The following UFL1 variants were observed in gnomAD, a reference collection of about 807,000 sequenced individuals.
UFL1 encodes E3 UFM1-protein ligase 1.
A neutral mutation model predicts 99.3 loss-of-function variants in UFL1; 78 were observed. The ratio of observed to expected loss-of-function variants is 0.79; its 90% CI spans 0.65 to 0.95. UFL1 has a LOEUF of 0.95. UFL1 is among the 40% of genes least tolerant of loss of function. UFL1 has a pLI of 0.00. For synonymous variants in UFL1, 335 were observed against 322.2 expected, an observed-to-expected ratio of 1.04 and a Z score of -0.42; for missense variants, 936 against 937.0, an observed-to-expected ratio of 1.00 and a Z score of 0.01.
At chr6:96,537,697 G>T (rs1769873218) in intron 9 of UFL1, 148 bp downstream of exon 9, 1 of 746,680 alleles carries the variant, frequency 1.3e-6, no homozygotes, top group Non-Finnish European at 2.0e-6. Context: ...TAATCTTTAT[G>T]CTTAAAGTCT....
rs146317579 is a variant in UFL1, at chr6:96,547,929, T to C, written c.1403-235T>C. On this transcript the variant is annotated intron_variant, in intron 12 of 18. Transcript: ENST00000369278. ...TCCCTGCCAGTATGTCTTGTATTCATGTAACAAGCATGCATACGAAGCCCC... is the reference window on the plus strand; with the variant it reads ...TCCCTGCCAGTATGTCTTGTATTCACGTAACAAGCATGCATACGAAGCCCC... Among the ~76,000 whole-genome samples, 295 of 151,762 alleles carry C rather than the reference T, an allele frequency of 1.9e-3. 2 individuals carry two copies. The Middle Eastern group carries it at 0.02, about 10-fold the overall frequency.
chr6:96,526,252 C>G, intron 4 of UFL1, 69 bp from the exon 5 acceptor site: 1 of 1,342,620 alleles, frequency 7.4e-7, no homozygotes, highest in Non-Finnish European at 1.0e-6. Context: ...GGAAATTAAA[C>G]ATAAAATGAG....
rs764442990 is a variant in UFL1, at chr6:96,549,741, ACTT to A, written c.1764_1766del (p.Phe588del). Reference sequence around the variant, plus strand: ...ACTGATATCACTAACCTCATTTTCAACTTCTTAGCTTCGGATTTAATGATGGCA... The same window carrying A: ...ACTGATATCACTAACCTCATTTTCAACTTAGCTTCGGATTTAATGATGGCA... On this transcript the variant is annotated inframe_deletion, in exon 15 of 19. Transcript: ENST00000369278. 58 of 1,612,030 alleles carry A rather than the reference ACTT, an allele frequency of 3.6e-5. 1 individual carries two copies. In the Middle Eastern group the frequency reaches 3.0e-3, roughly 82 times the overall value.
chr6:96,524,315 A>C, intron 2 of UFL1, 67 bp from the exon 3 acceptor site: 1 of 1,441,622 alleles, frequency 6.9e-7, no homozygotes, highest in Non-Finnish European at 9.4e-7. Flanking sequence ...AAATGTTAGA[A>C]TTTATAGCTT....
Position 96,554,160 on chromosome 6 carries a change from T to C in UFL1, c.*657T>C, listed in dbSNP as rs1163052680. The C allele has an allele frequency of 6.6e-6, 1 of 152,196 alleles. No individual in the cohort carries two copies. The highest frequency in any genetic ancestry group is 1.5e-5 in the Non-Finnish European group (1 of 68,034). 9.4% of individuals were successfully genotyped at this position (152,196 alleles called of 1,614,324 possible). ...CTAGAGTGGCCCATGCATTGCTGTG[T>C]TCTCTTCTAAAACAAGCTACTAACA... On this transcript the variant is annotated 3_prime_UTR_variant, in exon 19 of 19. Transcript: ENST00000369278.
chr6:96,533,708 T>C (rs1582439697), intron 6 of UFL1, among the ~76,000 whole-genome samples: 2 of 151,564 alleles, frequency 1.3e-5, no homozygotes, highest in African/African-American at 4.8e-5. Flanking sequence ...ATGGGGTAGA[T>C]TTCATGTAAT....
chr6:96,552,181 A>G (rs894506267), intron 17 of UFL1, among the ~76,000 whole-genome samples: 1 of 151,990 alleles, frequency 6.6e-6, no homozygotes, highest in African/African-American at 2.4e-5. Flanking sequence ...TAGCTTGGGG[A>G]CTTTCCTTAC....
chr6:96,537,500 A>G lies in UFL1; in HGVS notation c.929A>G (p.Glu310Gly). 1 of 1,609,538 alleles carries G rather than the reference A, an allele frequency of 6.2e-7. No individual in the cohort carries two copies. Among genetic ancestry groups the G allele is most frequent in the Non-Finnish European group, 8.5e-7 (1 of 1,177,716 alleles). Reference sequence around the variant, plus strand: ...GGTCAAGGACTTGTGGATCAAGTGGAAGCATCAGTAGAAGAAGCCATCAGC... The same window carrying G: ...GGTCAAGGACTTGTGGATCAAGTGGGAGCATCAGTAGAAGAAGCCATCAGC... ...CVGQGLVDQV[E>G]ASVEEAISSG... The change falls in exon 9 of 19, where the codon GAA (glutamate) becomes GGA (glycine). Residue 310 changes from glutamate (E) to glycine (G), a missense_variant. Glu to Gly is a moderately conservative substitution (Grantham distance 98, BLOSUM62 -2). Transcript: ENST00000369278.
chr6:96,541,150 GC>G (rs1411234594), intron 11 of UFL1, among the ~76,000 whole-genome samples: 2 of 151,336 alleles, frequency 1.3e-5, no homozygotes, highest in African/African-American at 4.8e-5. Flanking sequence ...GTCACTCTCT[GC>G]CACCTCATTT....
Position 96,549,483 on chromosome 6 carries a change from C to G in UFL1, c.1592C>G (p.Thr531Arg). The stretch of plus-strand genomic sequence containing the variant: ...TCTTCAACAACTTCTGCTTCTGGGA[C>G]GGGCAGAAAACGCACAATCAAGGAC... ...FMSSTTSASG[T>R]GRKRTIKDLQ... Residue 531 changes from threonine to arginine, a missense_variant, in exon 14 of 19, where the codon ACG becomes AGG. By Grantham distance (71) the Thr-to-Arg change is moderately conservative (BLOSUM62 -1). Coordinates refer to ENST00000369278, the MANE Select transcript of UFL1 (RefSeq NM_015323.5). 2 of 1,591,850 alleles carry G rather than the reference C, an allele frequency of 1.3e-6. No homozygotes were observed. Among genetic ancestry groups the G allele is most frequent in the Non-Finnish European group, 1.7e-6 (2 of 1,173,884 alleles).
rs1463568123 is a variant in UFL1 at position 96,523,052 on chromosome 6, CTT to C, written c.78-90_78-89del. On this transcript the variant is annotated intron_variant, in intron 1 of 18. Coordinates refer to ENST00000369278, the MANE Select transcript of UFL1 (RefSeq NM_015323.5). ...ATGTAGAAGTTAGTGACTAAACAAACTTTTTAAAAGCCTGTTTTCATACATTG... is the reference window on the plus strand; with the variant it reads ...ATGTAGAAGTTAGTGACTAAACAAACTTTAAAAGCCTGTTTTCATACATTG... 3.8e-6 allele frequency: 5 copies of C among 1,307,148 alleles called. 1 individual carries two copies. Among genetic ancestry groups the C allele is most frequent in the South Asian group, 3.8e-5 (2 of 52,842 alleles). 81.0% of individuals were successfully genotyped at this position (1,307,148 alleles called of 1,614,324 possible). A position where few individuals can be genotyped will look rare whatever the true frequency, so the allele number is the denominator to read the frequency against.
rs991180818 is a variant in UFL1 at position 96,527,056 on chromosome 6, G to A, written c.465+621G>A. Among the ~76,000 whole-genome samples, 5 of 152,142 alleles carry A rather than the reference G, an allele frequency of 3.3e-5. 1 individual carries two copies. The highest frequency in any genetic ancestry group is 9.7e-5 in the African/African-American group (4 of 41,444). ...CATTCTCTTAACTTTAGGTATTTGT[G>A]TCAGTACTCAAATATCTTATGTGTG... On this transcript the variant is annotated intron_variant, in intron 5 of 18. Coordinates refer to ENST00000369278, the MANE Select transcript of UFL1 (RefSeq NM_015323.5).
chr6:96,538,838 A>C lies in UFL1; in HGVS notation c.1158+28A>C, dbSNP rs754339377. The C allele has an allele frequency of 9.7e-6, 15 of 1,549,628 alleles. No individual in the cohort carries two copies. The African/African-American group carries it at 2.1e-4, about 21-fold the overall frequency. On this transcript the variant is annotated intron_variant, in intron 10 of 18. Transcript: ENST00000369278. Reference sequence around the variant, plus strand: ...ATTCCAGATTTCCTTTTATCTGCTAATCTTAATAATATTTTCAATTTAGAA... The same window carrying C: ...ATTCCAGATTTCCTTTTATCTGCTACTCTTAATAATATTTTCAATTTAGAA...
chr6:96,534,191 CTATTTT>C, intron 6 of UFL1, 66 bp from the exon 7 acceptor site: 1 of 954,556 alleles, frequency 1.0e-6, no homozygotes, highest in Non-Finnish European at 1.4e-6. Context: ...TCTAATTATC[CTATTTT>C]TAAGTTCATT....
chr6:96,551,562 C>A (rs1034577546), intron 16 of UFL1, 49 bp downstream of exon 16: 2 of 1,270,110 alleles, frequency 1.6e-6, no homozygotes, highest in African/African-American at 1.6e-5. Flanking sequence ...CAGTTTGTTA[C>A]AAAGATCTTT....
rs111892027 is a variant in UFL1 at position 96,538,720 on chromosome 6, A to G, written c.1068A>G (p.Val356=). The G allele has an allele frequency of 6.2e-6, 10 of 1,611,534 alleles. No homozygotes were observed. Among genetic ancestry groups the G allele is most frequent in the Non-Finnish European group, 8.5e-6 (10 of 1,178,444 alleles). The change falls in exon 10 of 19, where the codon GTA becomes GTG. Residue 356 remains valine (V), a synonymous_variant. Coordinates refer to ENST00000369278, the MANE Select transcript of UFL1 (RefSeq NM_015323.5). ...MRAFSKQAST[V]VFSDTVVVSE... ...CATTCAGCAAACAGGCCTCAACTGT[A>G]GTCTTTAGCGACACTGTTGTAGTCA...
At chr6:96,550,763 T>C (rs1175770555) in intron 15 of UFL1, among the ~76,000 whole-genome samples, 1 of 151,958 alleles carries the variant, frequency 6.6e-6, no homozygotes, top group Non-Finnish European at 1.5e-5. Context: ...AAATACAGAA[T>C]ATCTTGTTCC....
intron 6 of UFL1, among the ~76,000 whole-genome samples, chr6:96,530,142 A>G (rs1480777179): frequency 6.6e-6 from 1 of 152,210 alleles, no homozygotes; most frequent in Non-Finnish European, 1.5e-5. Flanking sequence ...CATTTAATTG[A>G]TAAGAGTCCT....
rs149074974 is a variant in UFL1, at chr6:96,524,160, T to C, written c.224-222T>C. Among the ~76,000 whole-genome samples the C allele has an allele frequency of 7.1e-3, 1,082 of 151,492 alleles. 10 individuals are homozygous for C. The highest frequency in any genetic ancestry group is 0.022 in the African/African-American group (913 of 41,202). ...CAGTTGGTGCTCATAATTGGCCTGA[T>C]GTTATTTAAAAAAAAAAAAAAAATT... On this transcript the variant is annotated intron_variant, in intron 2 of 18. Transcript: ENST00000369278.
Sources: allele counts gnomAD v4.1 joint callset (sites outside exome capture counted in the v4.1 genomes callset), GRCh38; gene constraint gnomAD v4.1.1; transcripts MANE v1.5; gene names NCBI Gene and HGNC (gene_info 2026-07-23, HGNC 2026-07-21).